The following LCP1 variants were observed in gnomAD, a reference collection of about 807,000 sequenced individuals.
LCP1 encodes lymphocyte cytosolic protein 1, also known as plastin-2.
LCP1 carries 23 observed loss-of-function variants against 72.0 expected under a neutral mutation model. The observed-to-expected ratio is 0.32, with a 90% confidence interval of 0.23 to 0.45. LCP1 has a LOEUF of 0.45. Among genes scored for constraint, LCP1 ranks in the 20% least tolerant of loss-of-function variants. The pLI, the probability that LCP1 is intolerant of heterozygous loss-of-function variation, is 1.00. For synonymous variants in LCP1, 245 were observed against 275.4 expected (o/e 0.89, Z 1.09); for missense variants, 571 against 748.3 (o/e 0.76, Z 2.76).
chr13:46,162,659 C>T (rs1489843034), intron 1 of LCP1, among the ~76,000 whole-genome samples: 1 of 152,160 alleles, frequency 6.6e-6, no homozygotes, highest in African/African-American at 2.4e-5. Flanking sequence ...ACAACCTCCA[C>T]CTCCCAGCCG....
rs1593965097 is a variant in LCP1, at chr13:46,172,594, G to A, written c.-25+9517C>T. Among the ~76,000 whole-genome samples, 4 of 152,314 alleles carry A rather than the reference G, an allele frequency of 2.6e-5. No homozygotes were observed. The Middle Eastern group carries it at 0.014, about 518-fold the overall frequency. ...CAGGTTGGGTGTGGCTACAGACAGG[G>A]ATGCAGGAGGAGACCTCCAGGATGA... On this transcript the variant is annotated intron_variant, in intron 1 of 15. Transcript: ENST00000323076.
intron 13 of LCP1, 90 bp downstream of exon 13, chr13:46,142,202 C>T: frequency 2.3e-6 from 3 of 1,287,672 alleles, no homozygotes; most frequent in Non-Finnish European, 3.3e-6. Context: ...CATACTTTTA[C>T]TGAATTAACT....
At chr13:46,149,722 C>T (rs752586183) in intron 8 of LCP1, among the ~76,000 whole-genome samples, 1 of 152,270 alleles carries the variant, frequency 6.6e-6, no homozygotes, top group Middle Eastern at 3.4e-3. Context: ...ACAGACACTT[C>T]CCAAAGCACA....
At chr13:46,180,244 T>C (rs2045950048) in intron 1 of LCP1, among the ~76,000 whole-genome samples, 1 of 152,222 alleles carries the variant, frequency 6.6e-6, no homozygotes. Flanking sequence ...TAAAGGTAGC[T>C]GAGAGGATTA....
At position 46,150,926 on chromosome 13, in the gene LCP1, C is replaced by T. The variant is rs755722473; in HGVS notation, c.882+10G>A. 6.6e-5 allele frequency: 107 copies of T among 1,611,344 alleles called. No individual in the cohort carries two copies. The East Asian group carries it at 2.3e-3, about 34-fold the overall frequency. ...TGCAGAGAGTCATGTTCAAACAACG[C>T]TCCTCCTACCTTGATGTCAGTACTG... On this transcript the variant is annotated intron_variant, in intron 8 of 15. Coordinates refer to ENST00000323076, the MANE Select transcript of LCP1 (RefSeq NM_002298.5).
intron 14 of LCP1, among the ~76,000 whole-genome samples, chr13:46,133,905 T>A (rs984571679): frequency 1.3e-5 from 2 of 152,152 alleles, no homozygotes; most frequent in Admixed American, 1.3e-4. Flanking sequence ...AAATTTTTTT[T>A]ACTGATGGGT....
At chr13:46,173,500 T>C (rs2045913823) in intron 1 of LCP1, among the ~76,000 whole-genome samples, 1 of 152,180 alleles carries the variant, frequency 6.6e-6, no homozygotes. Context: ...ACTAGAACTT[T>C]TGCAAAATTA....
intron 10 of LCP1, 103 bp from the exon 11 acceptor site, chr13:46,144,623 TGAAA>T: frequency 1.3e-6 from 1 of 768,442 alleles, no homozygotes; most frequent in Non-Finnish European, 2.3e-6. Flanking sequence ...GAAAGTAGAA[TGAAA>T]GAAAGAAATA....
chr13:46,153,526 C>A (rs1475904698), intron 6 of LCP1, among the ~76,000 whole-genome samples: 1 of 151,908 alleles, frequency 6.6e-6, no homozygotes, highest in East Asian at 1.9e-4. Context: ...CATGGTGAAA[C>A]CCCATCTCTA....
intron 1 of LCP1, among the ~76,000 whole-genome samples, chr13:46,163,327 T>C (rs959121473): frequency 2.6e-5 from 4 of 152,254 alleles, no homozygotes; most frequent in African/African-American, 9.6e-5. Flanking sequence ...TGTTAATCTA[T>C]AACCTTACCC....
At chr13:46,167,928 G>A (rs1281789219) in intron 1 of LCP1, among the ~76,000 whole-genome samples, 1 of 152,066 alleles carries the variant, frequency 6.6e-6, no homozygotes, top group East Asian at 1.9e-4. Context: ...GATCAAAAAC[G>A]AACAAGTGAA....
chr13:46,167,940 A>T (rs1002027627), intron 1 of LCP1, among the ~76,000 whole-genome samples: 1 of 152,244 alleles, frequency 6.6e-6, no homozygotes, highest in Non-Finnish European at 1.5e-5. Flanking sequence ...ACAAGTGAAA[A>T]GGTTAAACAC....
At chr13:46,170,312 A>T (rs897102895) in intron 1 of LCP1, among the ~76,000 whole-genome samples, 1 of 152,364 alleles carries the variant, frequency 6.6e-6, no homozygotes, top group Non-Finnish European at 1.5e-5. Context: ...TGCTGGCCCG[A>T]GGTAGTCTGT....
In LCP1 at chr13:46,147,101, C is replaced by A; in HGVS notation, c.981G>T (p.Glu327Asp). ...AVVIDMSGLR[E>D]KDDIQRAECM... ...ATTCTGCCCTCTGGATGTCATCCTT[C>A]TCCTGCAATGCAAAAGGATGTCTCA... Residue 327 changes from glutamate (E) to aspartate (D), a missense_variant and splice_region_variant, in exon 10 of 16, where the codon GAG (glutamate) becomes GAT (aspartate). Glu to Asp is a conservative substitution (Grantham distance 45, BLOSUM62 2). Coordinates refer to ENST00000323076, the MANE Select transcript of LCP1 (RefSeq NM_002298.5). 1 of 1,578,616 alleles carries A rather than the reference C, an allele frequency of 6.3e-7. No homozygotes were observed. The highest frequency in any genetic ancestry group is 8.6e-7 in the Non-Finnish European group (1 of 1,164,774).
At chr13:46,150,421 G>A (rs1010463697) in intron 8 of LCP1, among the ~76,000 whole-genome samples, 1 of 152,168 alleles carries the variant, frequency 6.6e-6, no homozygotes, top group African/African-American at 2.4e-5. Context: ...TCTGTAAAAT[G>A]AGAGGATAAT....
intron 8 of LCP1, chr13:46,148,792 C>A: frequency 1.1e-6 from 1 of 904,774 alleles, no homozygotes; most frequent in Non-Finnish European, 1.3e-6. Flanking sequence ...CTTTATATTG[C>A]TGTAGAAGTC....
intron 6 of LCP1, among the ~76,000 whole-genome samples, chr13:46,154,246 G>C (rs188453791): frequency 3.3e-5 from 5 of 152,132 alleles, no homozygotes; most frequent in African/African-American, 1.2e-4. Flanking sequence ...ATAATGTATC[G>C]TTCATGATTT....
At chr13:46,127,760 G>A (rs1430134226) in intron 15 of LCP1, 37 bp from the exon 16 acceptor site, 1 of 1,612,708 alleles carries the variant, frequency 6.2e-7, no homozygotes, top group Non-Finnish European at 8.5e-7. Flanking sequence ...AGGAGAGCCT[G>A]AGAAACACAA....
At position 46,158,515 on chromosome 13, in the gene LCP1, A is replaced by G; in HGVS notation, c.358+7T>C. 1.9e-6 allele frequency: 3 copies of G among 1,612,852 alleles called. No individual in the cohort carries two copies. Among genetic ancestry groups the G allele is most frequent in the Non-Finnish European group, 2.5e-6 (3 of 1,179,656 alleles). ...AAATCCTGCTCCAACCCAGGAGTTGAGCCTACCTGAATAGGAGTGTTGGGT... is the reference window on the plus strand; with the variant it reads ...AAATCCTGCTCCAACCCAGGAGTTGGGCCTACCTGAATAGGAGTGTTGGGT... On this transcript the variant is annotated splice_region_variant and intron_variant, in intron 4 of 15. Transcript: ENST00000323076.
Sources: gnomAD v4.1 joint callset for allele counts (sites outside exome capture counted in the v4.1 genomes callset) on GRCh38, gnomAD v4.1.1 for gene constraint, MANE v1.5 for transcripts, NCBI Gene and HGNC (gene_info 2026-07-23, HGNC 2026-07-21) for gene names.